The following PCDHGB2 variants were observed in gnomAD, a reference collection of about 807,000 sequenced individuals.
PCDHGB2 encodes protocadherin gamma subfamily B, 2.
A neutral mutation model predicts 59.3 loss-of-function variants in PCDHGB2; 55 were observed. The ratio of observed to expected loss-of-function variants is 0.93; its 90% CI spans 0.75 to 1.16. PCDHGB2 has a LOEUF of 1.16. PCDHGB2 is among the 50% of genes most tolerant of loss of function. The pLI is 0.00. For missense variants in PCDHGB2, 1,228 were observed against 1,198.5 expected (o/e 1.02, Z -0.36); for synonymous variants, 516 against 512.0 (o/e 1.01, Z -0.11).
chr5:141,489,159 T>G lies in PCDHGB2; in HGVS notation c.2422-5648T>G. On this transcript the variant is annotated intron_variant, in intron 1 of 3. Transcript: ENST00000522605. This position sits in a 1 kb window ranked among gnomAD's most constrained non-coding sequence, Gnocchi z 4.5. ...AGGCTGGAAGGAGACATAAGAGACT[T>G]CAGCTGCTGCATTCCAAGCCCTGGG... is the stretch of plus-strand genomic sequence containing the variant. 2 of 1,023,152 alleles carry G rather than the reference T, an allele frequency of 2.0e-6. No individual in the cohort carries two copies. Among genetic ancestry groups the G allele is most frequent in the Non-Finnish European group, 2.9e-6 (2 of 697,120 alleles). The allele number at this position is 1,023,152 out of a possible 1,614,324, so 63.4% of individuals were successfully genotyped here. A position where few individuals can be genotyped will look rare whatever the true frequency, so the allele number is the denominator to read the frequency against.
intron 1 of PCDHGB2, chr5:141,433,178 A>G: frequency 6.2e-7 from 1 of 1,608,316 alleles, no homozygotes. Context: ...TCATGGGTTA[A>G]TTGAGGTGAG....
chr5:141,399,893 C>G (rs2093913222), intron 1 of PCDHGB2: 2 of 1,612,566 alleles, frequency 1.2e-6, no homozygotes, highest in Non-Finnish European at 1.7e-6. Flanking sequence ...AAGGTAGTGG[C>G]CGTGGACGCA....
intron 1 of PCDHGB2, chr5:141,385,052 G>T (rs559398944): frequency 1.2e-6 from 2 of 1,614,152 alleles, no homozygotes; most frequent in South Asian, 2.2e-5. Context: ...AGGCTGCGGC[G>T]CTGGCACAAG....
chr5:141,392,865 G>A, intron 1 of PCDHGB2: 1 of 1,613,006 alleles, frequency 6.2e-7, no homozygotes, highest in Non-Finnish European at 8.5e-7. Flanking sequence ...CCTGCTGTGC[G>A]CGCTGCTGGG....
intron 1 of PCDHGB2, among the ~76,000 whole-genome samples, chr5:141,460,961 A>ATGTG (rs35821115): frequency 4.1e-5 from 6 of 144,616 alleles, no homozygotes; most frequent in South Asian, 2.2e-4. Context: ...GTATATATAT[A>ATGTG]TGTGTGTGTG....
Position 141,487,295 on chromosome 5 carries a change from T to C in PCDHGB2, c.2422-7512T>C, listed in dbSNP as rs2099642474. The C allele has an allele frequency of 5.6e-6, 9 of 1,614,164 alleles. No individual in the cohort carries two copies. In the East Asian group the frequency reaches 1.3e-4, roughly 24 times the overall value. ...AATTTGCTTTGTCTCCTTTGGCTCA[T>C]TCGTGGCACTACTCTCTAAGTGTCT... On this transcript the variant is annotated intron_variant, in intron 1 of 3. Transcript: ENST00000522605. This position sits in a 1 kb window ranked among gnomAD's most constrained non-coding sequence, Gnocchi z 5.0.
intron 2 of PCDHGB2, among the ~76,000 whole-genome samples, chr5:141,503,570 G>T (rs996006002): frequency 3.4e-4 from 50 of 147,216 alleles, no homozygotes; most frequent in African/African-American, 1.2e-3. Context: ...CTGTACTCCA[G>T]CCTGGGTGAC....
rs755018283 is a variant in PCDHGB2, at chr5:141,365,965, C to T, written c.2421+3409C>T. ...GTGGGAACCCTCCACTTAGCAGCAACGTGTCGCTGAGCCTGTTTGTGCTGG... is the reference window on the plus strand; with the variant it reads ...GTGGGAACCCTCCACTTAGCAGCAATGTGTCGCTGAGCCTGTTTGTGCTGG... On this transcript the variant is annotated intron_variant, in intron 1 of 3. Coordinates refer to ENST00000522605, the MANE Select transcript of PCDHGB2 (RefSeq NM_018923.3). 6 of 1,614,114 alleles carry T rather than the reference C, an allele frequency of 3.7e-6. No homozygotes were observed. The Admixed American group carries it at 8.3e-5, about 22-fold the overall frequency.
chr5:141,371,078 C>T lies in PCDHGB2; in HGVS notation c.2421+8522C>T, dbSNP rs776361776. Reference sequence around the variant, plus strand: ...CCTCCAGAAGCTGTACCACCCAGATCAGGGTAATTGTCGCAGATGCAAATG... The same window carrying T: ...CCTCCAGAAGCTGTACCACCCAGATTAGGGTAATTGTCGCAGATGCAAATG... On this transcript the variant is annotated intron_variant, in intron 1 of 3. Transcript: ENST00000522605. 1.9e-6 allele frequency: 3 copies of T among 1,613,770 alleles called. No homozygotes were observed. In the African/African-American group the frequency reaches 4.0e-5, roughly 22 times the overall value.
chr5:141,468,348 A>C (rs962230735), intron 1 of PCDHGB2: 2 of 150,318 alleles, frequency 1.3e-5, no homozygotes, highest in African/African-American at 4.9e-5. Context: ...AAAAAAAAAA[A>C]AGAAAGAAAA....
In PCDHGB2 at chr5:141,379,873, T is replaced by C. The variant is rs533347585; in HGVS notation, c.2421+17317T>C. ...AAATTATTGTCTTATTCTTATTTTA[T>C]GGTCTGTGAAAGCCTCTTTTTTTTT... On this transcript the variant is annotated intron_variant, in intron 1 of 3. Transcript: ENST00000522605. Among the ~76,000 whole-genome samples, 18 of 148,596 alleles carry C rather than the reference T, an allele frequency of 1.2e-4. No individual in the cohort carries two copies. The South Asian group carries it at 2.8e-3, about 23-fold the overall frequency.
At chr5:141,369,679 CAT>C (rs1189576308) in intron 1 of PCDHGB2, among the ~76,000 whole-genome samples, 3 of 152,162 alleles carry the variant, frequency 2.0e-5, no homozygotes, top group Middle Eastern at 3.4e-3. Flanking sequence ...GAAAGTGAAA[CAT>C]AGAATAAAAC....
intron 1 of PCDHGB2, chr5:141,388,052 C>T (rs777475213): frequency 7.2e-7 from 1 of 1,394,236 alleles, no homozygotes; most frequent in Non-Finnish European, 9.8e-7. Flanking sequence ...ACCTGGGGTT[C>T]AGCGTCCAGG....
intron 1 of PCDHGB2, chr5:141,403,695 G>A (rs376074779): frequency 6.2e-7 from 1 of 1,613,780 alleles, no homozygotes; most frequent in Non-Finnish European, 8.5e-7. Flanking sequence ...CGGATTTACC[G>A]AGTTAAAGTC....
In PCDHGB2 at chr5:141,487,747, CTA is replaced by C. The variant is rs2099663990; in HGVS notation, c.2422-7058_2422-7057del. 1 of 1,558,062 alleles carries C rather than the reference CTA, an allele frequency of 6.4e-7. No individual in the cohort carries two copies. The highest frequency in any genetic ancestry group is 2.4e-5 in the East Asian group (1 of 41,708). On this transcript the variant is annotated intron_variant, in intron 1 of 3. Coordinates refer to ENST00000522605, the MANE Select transcript of PCDHGB2 (RefSeq NM_018923.3). This position sits in a 1 kb window ranked among gnomAD's most constrained non-coding sequence, Gnocchi z 5.0. ...ATGTCACCATTTTTGTAAGAGGTAA[CTA>C]TGTGGTAGACGCTGTGCTTTGTAAC... is the stretch of plus-strand genomic sequence containing the variant.
At position 141,511,871 on chromosome 5, in the gene PCDHGB2, A is replaced by T. The variant is rs1306732557; in HGVS notation, c.*698A>T. On this transcript the variant is annotated 3_prime_UTR_variant, in exon 4 of 4. Coordinates refer to ENST00000522605, the MANE Select transcript of PCDHGB2 (RefSeq NM_018923.3). ...TTGTTTTTCATTGTTTGACGTTTCCACTGCATGCCTTGACTTCCCCCACCT... is the reference window on the plus strand; with the variant it reads ...TTGTTTTTCATTGTTTGACGTTTCCTCTGCATGCCTTGACTTCCCCCACCT... 1 of 156,376 alleles carries T rather than the reference A, an allele frequency of 6.4e-6. No homozygotes were observed. The highest frequency in any genetic ancestry group is 1.9e-4 in the East Asian group (1 of 5,268). 9.7% of individuals were successfully genotyped at this position (156,376 alleles called of 1,614,324 possible).
intron 1 of PCDHGB2, among the ~76,000 whole-genome samples, chr5:141,457,124 ACT>A (rs1304231701): frequency 6.6e-6 from 1 of 152,158 alleles, no homozygotes; most frequent in Non-Finnish European, 1.5e-5. Context: ...AGCAATGGAA[ACT>A]CTGTCCAATA....
intron 1 of PCDHGB2, chr5:141,400,231 G>C: frequency 6.2e-7 from 1 of 1,613,988 alleles, no homozygotes; most frequent in South Asian, 1.1e-5. Context: ...CTTCCTCCTG[G>C]CCGTGATTCT....
At chr5:141,437,013 A>G (rs570721163) in intron 1 of PCDHGB2, among the ~76,000 whole-genome samples, 146 of 152,354 alleles carry the variant, frequency 9.6e-4, no homozygotes, top group Non-Finnish European at 1.2e-3. Flanking sequence ...ATCTTAGATA[A>G]TTTCACCAGA....
Sources: allele counts gnomAD v4.1 joint callset (sites outside exome capture counted in the v4.1 genomes callset), GRCh38; gene constraint gnomAD v4.1.1; non-coding constraint Gnocchi (gnomAD v3.1); transcripts MANE v1.5; gene names NCBI Gene and HGNC (gene_info 2026-07-23, HGNC 2026-07-21).